Variants in P2RY8 observed in about 807,000 individuals in gnomAD.
P2RY8 encodes the protein P2Y receptor family member 8.
P2RY8 carries 6 observed loss-of-function variants against 10.0 expected under a neutral mutation model. The ratio of observed to expected loss-of-function variants is 0.60; its 90% CI spans 0.33 to 1.19. The LOEUF (loss-of-function observed/expected upper bound fraction) is 1.19, where lower values mean the gene tolerates loss of function less well. P2RY8 is among the 50% of genes most tolerant of loss of function. The probability of loss-of-function intolerance (pLI) is 0.04; values close to 1 mark genes in which losing one functional copy is unlikely to be tolerated. For synonymous variants in P2RY8, 276 were observed against 252.5 expected (o/e 1.09, Z -0.88); for missense variants, 456 against 542.0 (o/e 0.84, Z 1.58).
intron 1 of P2RY8, among the ~76,000 whole-genome samples, chrX:1,487,247 C>T (rs190880313): frequency 9.2e-5 from 14 of 152,284 alleles, no homozygotes; most frequent in Admixed American, 3.3e-4. Context: ...TTGTCTTTCC[C>T]GGCCACACAG....
In P2RY8 at chrX:1,484,039, A is replaced by G. The variant is rs566072983; in HGVS notation, c.-24-17457T>C. Among the ~76,000 whole-genome samples the G allele has an allele frequency of 1.9e-3, 290 of 151,194 alleles. 4 individuals are homozygous for G. Among genetic ancestry groups the G allele is most frequent in the African/African-American group, 6.8e-3 (278 of 41,180 alleles). ...CTCAAAGCTGGGCTCCCTTAGACCC[A>G]AAGCTGGACTCCCCTAAACCCAAAG... On this transcript the variant is annotated intron_variant, in intron 1 of 1. Transcript: ENST00000381297.
intron 1 of P2RY8, among the ~76,000 whole-genome samples, chrX:1,481,164 G>A (rs1478994126): frequency 7.5e-6 from 1 of 133,136 alleles, no homozygotes; most frequent in Non-Finnish European, 1.6e-5. Context: ...TCTGCAGCAC[G>A]CAATACATTT....
intron 1 of P2RY8, among the ~76,000 whole-genome samples, chrX:1,493,264 G>A (rs1269429838): frequency 6.8e-6 from 1 of 146,932 alleles, no homozygotes; most frequent in Non-Finnish European, 1.5e-5. Flanking sequence ...CTCCAGCCTG[G>A]GCAACAGTGC....
intron 1 of P2RY8, among the ~76,000 whole-genome samples, chrX:1,510,536 C>G (rs1337275690): frequency 6.6e-6 from 1 of 152,112 alleles, no homozygotes; most frequent in African/African-American, 2.4e-5. Context: ...TGGGCTGGTT[C>G]TGGATGGTTG....
chrX:1,505,726 G>C (rs1472765095), intron 1 of P2RY8, among the ~76,000 whole-genome samples: 3 of 151,960 alleles, frequency 2.0e-5, no homozygotes, highest in Admixed American at 6.6e-5. Flanking sequence ...GGAGGCGGAG[G>C]TTGCAGTGAG....
chrX:1,505,897 T>C (rs2092228372), intron 1 of P2RY8, among the ~76,000 whole-genome samples: 1 of 152,168 alleles, frequency 6.6e-6, no homozygotes, highest in African/African-American at 2.4e-5. Context: ...TCCTTGAGTA[T>C]TGCATTTTTA....
chrX:1,482,345 G>A (rs1389373286), intron 1 of P2RY8, among the ~76,000 whole-genome samples: 1 of 151,282 alleles, frequency 6.6e-6, no homozygotes, highest in Admixed American at 6.6e-5. Flanking sequence ...CTGCCCTGCT[G>A]CAAAAGAAGA....
intron 1 of P2RY8, among the ~76,000 whole-genome samples, chrX:1,476,756 G>T (rs1174775907): frequency 1.3e-5 from 2 of 152,104 alleles, no homozygotes; most frequent in African/African-American, 4.8e-5. Context: ...CTTAAGGAAG[G>T]ATGCTACTGG....
At chrX:1,530,844 C>A (rs1329119752) in intron 1 of P2RY8, among the ~76,000 whole-genome samples, 2 of 151,598 alleles carry the variant, frequency 1.3e-5, no homozygotes, top group Non-Finnish European at 2.9e-5. Context: ...CATTATCTAT[C>A]TATATCTATG....
intron 1 of P2RY8, among the ~76,000 whole-genome samples, chrX:1,514,432 C>T (rs1436535718): frequency 2.0e-4 from 1 of 4,992 alleles, no homozygotes; most frequent in African/African-American, 3.8e-4. Context: ...CTTCCTTTCC[C>T]TTCTCTTCCC....
intron 1 of P2RY8, among the ~76,000 whole-genome samples, chrX:1,509,374 TTCTATCTA>T (rs779648095): frequency 0.02 from 2,580 of 131,134 alleles, 34 homozygotes; most frequent in South Asian, 0.045. Context: ...CATCCATCTA[TTCTATCTA>T]TCTATCTATC....
chrX:1,509,806 T>C (rs1246978193), intron 1 of P2RY8, among the ~76,000 whole-genome samples: 7,567 of 75,912 alleles, frequency 0.1, 435 homozygotes, highest in Non-Finnish European at 0.18. Flanking sequence ...CCTATCTATC[T>C]ATCTATCTAT....
chrX:1,479,436 A>T (rs2091911786), intron 1 of P2RY8, among the ~76,000 whole-genome samples: 1 of 152,232 alleles, frequency 6.6e-6, no homozygotes, highest in African/African-American at 2.4e-5. Context: ...GATTTCTAGG[A>T]GAAGATCTGC....
In P2RY8 at chrX:1,478,273, G is replaced by GTGTGTGTGTGTGTGTGTGTGTGTGCA. The variant is rs539376483; in HGVS notation, c.-24-11692_-24-11691insTGCACACACACACACACACACACACA. On this transcript the variant is annotated intron_variant, in intron 1 of 1. Coordinates refer to ENST00000381297, the MANE Select transcript of P2RY8 (RefSeq NM_178129.5). ...TATGTGTGTGTGTGTGTGTGTGTGTGCCCAGCAGGGAAGCAGAAATTATTA... is the reference window on the plus strand; with the variant it reads ...TATGTGTGTGTGTGTGTGTGTGTGTGTGTGTGTGTGTGTGTGTGTGTGTGCACCCAGCAGGGAAGCAGAAATTATTA... Among the ~76,000 whole-genome samples the GTGTGTGTGTGTGTGTGTGTGTGTGCA allele has an allele frequency of 6.5e-3, 867 of 133,548 alleles. 11 individuals are homozygous for GTGTGTGTGTGTGTGTGTGTGTGTGCA. Among genetic ancestry groups the GTGTGTGTGTGTGTGTGTGTGTGTGCA allele is most frequent in the Non-Finnish European group, 9.9e-3 (636 of 64,376 alleles). The allele number at this position is 133,548 out of a possible 152,430, so 87.6% of individuals were successfully genotyped here. A position where few individuals can be genotyped will look rare whatever the true frequency, so the allele number is the denominator to read the frequency against.
intron 1 of P2RY8, among the ~76,000 whole-genome samples, chrX:1,473,339 T>A (rs1423455662): frequency 8.8e-6 from 1 of 114,252 alleles, no homozygotes; most frequent in East Asian, 3.0e-4. Flanking sequence ...GATGCATGGG[T>A]GGATGAATGG....
In P2RY8 at chrX:1,465,623, C is replaced by G. The variant is rs1414417516; in HGVS notation, c.936G>C (p.Arg312=). The change falls in exon 2 of 2, where the codon CGG becomes CGC. Residue 312 remains arginine, a synonymous_variant. Coordinates refer to ENST00000381297, the MANE Select transcript of P2RY8 (RefSeq NM_178129.5). ...LRLREYLGCR[R]VPRDTLDTRR... ...GCGTGTCCAGGGTGTCTCTGGGCAC[C>G]CGGCGGCAGCCCAAATATTCCCGCA... 1.2e-6 allele frequency: 2 copies of G among 1,613,320 alleles called. No homozygotes were observed. Among genetic ancestry groups the G allele is most frequent in the Middle Eastern group, 1.7e-4 (1 of 6,040 alleles).
chrX:1,466,570 C>T lies in P2RY8; in HGVS notation c.-12G>A. Reference sequence around the variant, plus strand: ...TTCGGGACCTGCATCCTGGAGGGGTCCTCGCCCGGGCTCTGCAAGGGAAGG... The same window carrying T: ...TTCGGGACCTGCATCCTGGAGGGGTTCTCGCCCGGGCTCTGCAAGGGAAGG... On this transcript the variant is annotated 5_prime_UTR_variant, in exon 2 of 2. Transcript: ENST00000381297. The T allele has an allele frequency of 3.1e-6, 5 of 1,597,990 alleles. No homozygotes were observed. Among genetic ancestry groups the T allele is most frequent in the Non-Finnish European group, 4.3e-6 (5 of 1,175,122 alleles).
rs1193208979 is a variant in P2RY8 at position 1,521,029 on chromosome X, CTTTTCTTT to C, written c.-25+15884_-25+15891del. ...CTCCCCAATATCCTCTCTGATTTTTCTTTTCTTTTTTTTTTTTTTTTTTTGAGACAGAG... is the reference window on the plus strand; with the variant it reads ...CTCCCCAATATCCTCTCTGATTTTTCTTTTTTTTTTTTTTTTGAGACAGAG... On this transcript the variant is annotated intron_variant, in intron 1 of 1. Transcript: ENST00000381297. Among the ~76,000 whole-genome samples the C allele has an allele frequency of 1.5e-3, 125 of 83,926 alleles. 5 individuals are homozygous for C. In the South Asian group the frequency reaches 0.046, roughly 31 times the overall value. The allele number at this position is 83,926 out of a possible 152,430, so 55.1% of individuals were successfully genotyped here.
intron 1 of P2RY8, among the ~76,000 whole-genome samples, chrX:1,476,611 T>C (rs1569536779): frequency 6.7e-6 from 1 of 149,982 alleles, no homozygotes; most frequent in African/African-American, 2.5e-5. Flanking sequence ...AAAAGAAATA[T>C]AATGGGTCAT....
Sources: gnomAD v4.1 joint callset for allele counts (sites outside exome capture counted in the v4.1 genomes callset) on GRCh38, gnomAD v4.1.1 for gene constraint, MANE v1.5 for transcripts, NCBI Gene and HGNC (gene_info 2026-07-23, HGNC 2026-07-21) for gene names.